The following NSMAF variants were observed in gnomAD, a reference collection of about 807,000 sequenced individuals.
NSMAF encodes neutral sphingomyelinase activation associated factor, also known as protein FAN.
A neutral mutation model predicts 134.9 loss-of-function variants in NSMAF; 90 were observed. The ratio of observed to expected loss-of-function variants is 0.67; its 90% CI spans 0.56 to 0.79. The LOEUF (loss-of-function observed/expected upper bound fraction) is 0.79, where lower values mean the gene tolerates loss of function less well. Ranked by LOEUF, NSMAF falls within the 30% of genes least tolerant of loss-of-function variation. The pLI, the probability that NSMAF is intolerant of heterozygous loss-of-function variation, is 0.00. For synonymous variants in NSMAF, 358 were observed against 389.6 expected (o/e 0.92, Z 0.96); for missense variants, 1,010 against 1,119.0 (o/e 0.90, Z 1.39).
In NSMAF at chr8:58,589,567, TAAA is replaced by T; in HGVS notation, c.2093_2095del (p.Phe698del). 1 of 1,565,726 alleles carries T rather than the reference TAAA, an allele frequency of 6.4e-7. No individual in the cohort carries two copies. The highest frequency in any genetic ancestry group is 2.2e-5 in the Admixed American group (1 of 45,616). ...CTGGCGTCTTCCAAATGCTATGGAA[TAAA>T]AATAGCTAAAAGATAATGAGAAGCA... is the stretch of plus-strand genomic sequence containing the variant. On this transcript the variant is annotated inframe_deletion, in exon 26 of 31. Coordinates refer to ENST00000038176, the MANE Select transcript of NSMAF (RefSeq NM_003580.4).
intron 1 of NSMAF, among the ~76,000 whole-genome samples, chr8:58,651,438 A>G (rs75827935): frequency 0.013 from 2,043 of 152,328 alleles, 51 homozygotes; most frequent in African/African-American, 0.046. Flanking sequence ...TGGACTCTAG[A>G]AAATTACATT....
At chr8:58,597,734 C>A in intron 20 of NSMAF, 126 bp downstream of exon 20, 1 of 906,608 alleles carries the variant, frequency 1.1e-6, no homozygotes. Flanking sequence ...AGTAACACAA[C>A]AGTGAAAGCA....
intron 13 of NSMAF, among the ~76,000 whole-genome samples, chr8:58,602,843 T>C (rs555228263): frequency 6.6e-6 from 1 of 152,200 alleles, no homozygotes; most frequent in African/African-American, 2.4e-5. Context: ...TAACAAATAA[T>C]CACAGTTTTT....
At position 58,635,245 on chromosome 8, in the gene NSMAF, C is replaced by A. The variant is rs10113830; in HGVS notation, c.297-20G>T. The A allele has an allele frequency of 0.29, 464,388 of 1,607,498 alleles. 69,926 individuals carry two copies. Among genetic ancestry groups the A allele is most frequent in the Non-Finnish European group, 0.3 (354,879 of 1,174,986 alleles). On this transcript the variant is annotated intron_variant, in intron 4 of 30. Coordinates refer to ENST00000038176, the MANE Select transcript of NSMAF (RefSeq NM_003580.4). ...TTTGCCCTAAAATACAGATAAAAGT[C>A]ATTAAATATATACAGCTTTTTGGTT... is the stretch of plus-strand genomic sequence containing the variant.
intron 6 of NSMAF, among the ~76,000 whole-genome samples, chr8:58,627,388 G>A (rs968118791): frequency 1.3e-5 from 2 of 152,038 alleles, no homozygotes; most frequent in African/African-American, 4.8e-5. Context: ...AAAAGAAAGG[G>A]CATCCAAATT....
chr8:58,610,832 A>G (rs930865571), intron 9 of NSMAF, among the ~76,000 whole-genome samples: 9 of 152,218 alleles, frequency 5.9e-5, no homozygotes, highest in Non-Finnish European at 8.8e-5. Flanking sequence ...AAGCACAAAG[A>G]TATCTCTAGA....
chr8:58,585,591 A>AG, intron 30 of NSMAF, 61 bp downstream of exon 30: 1 of 1,219,900 alleles, frequency 8.2e-7, no homozygotes, highest in East Asian at 2.3e-5. Flanking sequence ...CTGATGGAAA[A>AG]GGCAGGCTTG....
Position 58,609,600 on chromosome 8 carries a change from A to C in NSMAF, c.687+4T>G, listed in dbSNP as rs770845010. On this transcript the variant is annotated splice_donor_region_variant and intron_variant, in intron 10 of 30. Coordinates refer to ENST00000038176, the MANE Select transcript of NSMAF (RefSeq NM_003580.4). ...CTCCCCACCTGACCCTGTGGTCTAC[A>C]CACCGGGTAGCCGTTGAGGGGCTGA... The C allele has an allele frequency of 1.2e-6, 2 of 1,614,050 alleles. No individual in the cohort carries two copies. The highest frequency in any genetic ancestry group is 1.1e-5 in the South Asian group (1 of 91,080).
intron 9 of NSMAF, among the ~76,000 whole-genome samples, chr8:58,611,244 T>C (rs1401980366): frequency 6.6e-6 from 1 of 151,980 alleles, no homozygotes; most frequent in Non-Finnish European, 1.5e-5. Context: ...GTAAATATGA[T>C]AAAGGATCAA....
At chr8:58,621,234 G>A (rs1006081980) in intron 9 of NSMAF, among the ~76,000 whole-genome samples, 5 of 152,090 alleles carry the variant, frequency 3.3e-5, no homozygotes, top group Admixed American at 1.3e-4. Context: ...TTGCTCCAGC[G>A]CCATCCGTGG....
chr8:58,635,134 C>T, intron 5 of NSMAF, 55 bp downstream of exon 5: 1 of 1,268,098 alleles, frequency 7.9e-7, no homozygotes, highest in Non-Finnish European at 1.1e-6. Context: ...TTCATTCATG[C>T]ACATATATAA....
chr8:58,599,240 G>T lies in NSMAF; in HGVS notation c.1577C>A (p.Ala526Asp). 6.2e-7 allele frequency: 1 copy of T among 1,612,752 alleles called. No homozygotes were observed. Residue 526 changes from alanine to aspartate, a missense_variant, in exon 19 of 31, where the codon GCC becomes GAC. Physicochemically the swap from Ala to Asp is moderately radical, Grantham distance 126. Transcript: ENST00000038176. Reference sequence around the variant, plus strand: ...CAATGAATATTACATACCATTATGGGCCCCAACTGCATCACTCCCTTTTTG... The same window carrying T: ...CAATGAATATTACATACCATTATGGTCCCCAACTGCATCACTCCCTTTTTG... ...YKQKGSDAVG[A>D]HNVFHPLTYE...
At chr8:58,652,005 G>A (rs1343158893) in intron 1 of NSMAF, among the ~76,000 whole-genome samples, 2 of 152,170 alleles carry the variant, frequency 1.3e-5, no homozygotes, top group Admixed American at 6.5e-5. Context: ...GCACTGGCCA[G>A]TAGCCCACAA....
chr8:58,607,706 T>C (rs1806439071), intron 11 of NSMAF, 63 bp downstream of exon 11: 2 of 1,304,840 alleles, frequency 1.5e-6, no homozygotes, highest in South Asian at 1.2e-5. Context: ...TTACCGTCAA[T>C]AAACTGCTGG....
intron 22 of NSMAF, 68 bp downstream of exon 22, chr8:58,595,492 A>G (rs1806116632): frequency 5.5e-6 from 6 of 1,093,952 alleles, no homozygotes; most frequent in Non-Finnish European, 8.5e-6. Context: ...AAACAGTTTA[A>G]TCCCATGCCA....
chr8:58,592,896 C>T (rs952152320), intron 23 of NSMAF, among the ~76,000 whole-genome samples: 3 of 113,446 alleles, frequency 2.6e-5, no homozygotes, highest in Non-Finnish European at 5.1e-5. Context: ...CAAAAAAAAA[C>T]AAAAACAAAA....
At chr8:58,606,134 T>C in intron 11 of NSMAF, 99 bp from the exon 12 acceptor site, 1 of 1,062,492 alleles carries the variant, frequency 9.4e-7, no homozygotes, top group Non-Finnish European at 1.3e-6. Context: ...GTTAAACATT[T>C]GTGTTTATTT....
intron 2 of NSMAF, among the ~76,000 whole-genome samples, chr8:58,637,000 A>T (rs1807187866): frequency 6.7e-6 from 1 of 149,008 alleles, no homozygotes. Context: ...TCCTTCGAGG[A>T]TAACTGATTA....
chr8:58,658,137 T>C (rs747220072), intron 1 of NSMAF, among the ~76,000 whole-genome samples: 17 of 152,198 alleles, frequency 1.1e-4, no homozygotes, highest in Non-Finnish European at 7.4e-5. Flanking sequence ...TCTCACAATT[T>C]AAATATGAAT....
Sources: gnomAD v4.1 joint callset for allele counts (sites outside exome capture counted in the v4.1 genomes callset) on GRCh38, gnomAD v4.1.1 for gene constraint, MANE v1.5 for transcripts, NCBI Gene and HGNC (gene_info 2026-07-23, HGNC 2026-07-21) for gene names.